Variants in CYP4F3 observed in about 807,000 individuals in gnomAD.
CYP4F3 encodes cytochrome P450 family 4 subfamily F member 3, also known as cytochrome P450 4F3.
In CYP4F3, 50 loss-of-function variants were observed where a neutral mutation model predicts 54.8. The observed-to-expected ratio is 0.91, with a 90% confidence interval of 0.73 to 1.16. CYP4F3 has a LOEUF of 1.16. Ranked by LOEUF, CYP4F3 falls within the 50% of genes most tolerant of loss-of-function variation. The probability of loss-of-function intolerance (pLI) is 0.00; values close to 1 mark genes in which losing one functional copy is unlikely to be tolerated. For synonymous variants in CYP4F3, 244 were observed against 262.6 expected (o/e 0.93, Z 0.69); for missense variants, 715 against 676.2 (o/e 1.06, Z -0.64).
intron 7 of CYP4F3, among the ~76,000 whole-genome samples, chr19:15,651,415 T>G (rs1410438940): frequency 7.3e-6 from 1 of 136,720 alleles, no homozygotes; most frequent in Non-Finnish European, 1.6e-5. Flanking sequence ...TCACCCAGGC[T>G]GGAGTGCAGT....
chr19:15,655,302 T>C (rs1172954909), intron 9 of CYP4F3, among the ~76,000 whole-genome samples: 1 of 152,242 alleles, frequency 6.6e-6, no homozygotes, highest in Non-Finnish European at 1.5e-5. Flanking sequence ...AGTTTGTGAG[T>C]ATTTTCTGCC....
At chr19:15,657,033 A>G (rs907128552) in intron 9 of CYP4F3, among the ~76,000 whole-genome samples, 2 of 152,192 alleles carry the variant, frequency 1.3e-5, no homozygotes, top group African/African-American at 4.8e-5. Flanking sequence ...GAGTGTCTGT[A>G]CTGATTTACC....
rs945232586 is a variant in CYP4F3 at position 15,641,443 on chromosome 19, G to A, written c.28G>A (p.Gly10Ser). The change falls in exon 2 of 13, where the codon GGC becomes AGC. Residue 10 changes from glycine to serine, a missense_variant. Gly to Ser is a moderately conservative substitution (Grantham distance 56). Transcript: ENST00000221307. MPQLSLSSL[G>S]LWPMAASPWL... Reference sequence around the variant, plus strand: ...GCCACAGCTGAGCCTGTCCTCGCTGGGCCTTTGGCCAATGGCAGCATCCCC... The same window carrying A: ...GCCACAGCTGAGCCTGTCCTCGCTGAGCCTTTGGCCAATGGCAGCATCCCC... The A allele has an allele frequency of 3.7e-6, 6 of 1,614,170 alleles. No individual in the cohort carries two copies. The highest frequency in any genetic ancestry group is 5.1e-6 in the Non-Finnish European group (6 of 1,180,042).
At position 15,646,998 on chromosome 19, in the gene CYP4F3, A is replaced by G. The variant is rs1418093638; in HGVS notation, c.344-54A>G. On this transcript the variant is annotated intron_variant, in intron 3 of 12. Coordinates refer to ENST00000221307, the MANE Select transcript of CYP4F3 (RefSeq NM_000896.3). ...TTGCTGGGAGCCTCCCCCCACCCCCAAAGTTCCTCCTTCACCTGCCTCCAT... is the reference window on the plus strand; with the variant it reads ...TTGCTGGGAGCCTCCCCCCACCCCCGAAGTTCCTCCTTCACCTGCCTCCAT... 4.4e-6 allele frequency: 7 copies of G among 1,606,284 alleles called. No individual in the cohort carries two copies. In the South Asian group the frequency reaches 4.4e-5, roughly 10 times the overall value.
chr19:15,649,943 G>T lies in CYP4F3; in HGVS notation c.678G>T (p.Leu226Phe). The T allele has an allele frequency of 6.2e-7, 1 of 1,614,074 alleles. No individual in the cohort carries two copies. Among genetic ancestry groups the T allele is most frequent in the South Asian group, 1.1e-5 (1 of 91,074 alleles). Residue 226 changes from leucine to phenylalanine, a missense_variant, in exon 7 of 13, where the codon TTG (leucine) becomes TTT (phenylalanine). Physicochemically the swap from Leu to Phe is conservative, Grantham distance 22. Transcript: ENST00000221307. ...EKPSEYIAAI[L>F]ELSALVTKRH... Reference sequence around the variant, plus strand: ...CCAGTGAATATATTGCCGCCATCTTGGAGCTCAGTGCCCTTGTGACAAAAA... The same window carrying T: ...CCAGTGAATATATTGCCGCCATCTTTGAGCTCAGTGCCCTTGTGACAAAAA...
At chr19:15,645,488 A>G (rs1972595665) in intron 2 of CYP4F3, among the ~76,000 whole-genome samples, 2 of 152,164 alleles carry the variant, frequency 1.3e-5, no homozygotes, top group Non-Finnish European at 2.9e-5. Flanking sequence ...AGCCCAGGGA[A>G]CATGGTGTGT....
At chr19:15,656,130 C>T (rs2144670533) in intron 9 of CYP4F3, among the ~76,000 whole-genome samples, 1 of 151,852 alleles carries the variant, frequency 6.6e-6, no homozygotes, top group East Asian at 1.9e-4. Context: ...TCTATGAGCT[C>T]AACTATTTTA....
chr19:15,641,164 T>G, intron 1 of CYP4F3: 2 of 498,294 alleles, frequency 4.0e-6, no homozygotes, highest in East Asian at 3.6e-5. Flanking sequence ...GGCTGGGCCT[T>G]TCTGGACTTT....
chr19:15,652,577 T>C lies in CYP4F3; in HGVS notation c.927T>C (p.Asp309=), dbSNP rs1972888477. 6.2e-7 allele frequency: 1 copy of C among 1,613,886 alleles called. No individual in the cohort carries two copies. Among genetic ancestry groups the C allele is most frequent in the African/African-American group, 1.3e-5 (1 of 74,958 alleles). The change falls in exon 8 of 13, where the codon GAT becomes GAC. Residue 309 remains aspartate, a synonymous_variant. Transcript: ENST00000221307. ...TATTGCCTTCTCTCCAGGATGAAGA[T>C]GGGAAGAAGTTGTCCGATGAGGACA... ...IDVLLLSKDE[D]GKKLSDEDIR...
At chr19:15,649,308 C>T (rs754784279) in intron 6 of CYP4F3, 27 bp downstream of exon 6, 5 of 1,611,880 alleles carry the variant, frequency 3.1e-6, no homozygotes. Context: ...GGTCTGGGAT[C>T]CTGGGCCGTG....
At chr19:15,643,976 G>C in intron 2 of CYP4F3, 1 of 1,607,130 alleles carries the variant, frequency 6.2e-7, no homozygotes, top group East Asian at 2.3e-5. Context: ...GGGCTTTAAG[G>C]TCTGGATGGG....
chr19:15,658,489 A>G lies in CYP4F3; in HGVS notation c.1250-2A>G. The G allele has an allele frequency of 5.0e-6, 8 of 1,614,164 alleles. No individual in the cohort carries two copies. The highest frequency in any genetic ancestry group is 5.1e-6 in the Non-Finnish European group (6 of 1,180,032). On this transcript the variant is annotated splice_acceptor_variant, in intron 10 of 12. Coordinates refer to ENST00000221307, the MANE Select transcript of CYP4F3 (RefSeq NM_000896.3). LOFTEE classifies it high-confidence loss of function. ...TCCTGACTGCCCCCTTCTCTCCCAC[A>G]GGCATTATCTGCCTCATCAGTGTTT...
chr19:15,657,229 C>T (rs1024388384), intron 9 of CYP4F3, among the ~76,000 whole-genome samples: 5 of 152,260 alleles, frequency 3.3e-5, no homozygotes, highest in African/African-American at 7.2e-5. Flanking sequence ...CCATTCCTTA[C>T]ATGCATAGGC....
Position 15,645,879 on chromosome 19 carries a change from G to A in CYP4F3, c.343+16G>A, listed in dbSNP as rs779215155. Reference sequence around the variant, plus strand: ...TTTGCTCCAGGTAGACACTGCACTGGCCACTCCAGGTAGACACTGCACTGG... The same window carrying A: ...TTTGCTCCAGGTAGACACTGCACTGACCACTCCAGGTAGACACTGCACTGG... On this transcript the variant is annotated intron_variant, in intron 3 of 12. Transcript: ENST00000221307. 6.3e-7 allele frequency: 1 copy of A among 1,592,558 alleles called. No individual in the cohort carries two copies. The highest frequency in any genetic ancestry group is 1.1e-5 in the South Asian group (1 of 87,448).
chr19:15,654,818 A>G (rs577692534), intron 9 of CYP4F3, among the ~76,000 whole-genome samples: 1 of 152,364 alleles, frequency 6.6e-6, no homozygotes, highest in South Asian at 2.1e-4. Context: ...CAATAAATAC[A>G]GAAGTACAGA....
chr19:15,650,089 G>T lies in CYP4F3; in HGVS notation c.824G>T (p.Arg275Leu). The change falls in exon 7 of 13, where the codon CGC becomes CTC. Residue 275 changes from arginine (R) to leucine (L), a missense_variant. Coordinates refer to ENST00000221307, the MANE Select transcript of CYP4F3 (RefSeq NM_000896.3). The part of the protein sequence containing the change: ...DFTDAVIQER[R>L]RTLPSQGVDD... ...ACAGATGCCGTCATCCAGGAGCGGC[G>T]CCGCACCCTCCCTAGCCAGGGTGTT... The T allele has an allele frequency of 1.9e-6, 3 of 1,614,168 alleles. No homozygotes were observed. Among genetic ancestry groups the T allele is most frequent in the Non-Finnish European group, 2.5e-6 (3 of 1,180,030 alleles).
chr19:15,650,728 CTT>C (rs1972796006), intron 7 of CYP4F3, among the ~76,000 whole-genome samples: 1 of 103,560 alleles, frequency 9.7e-6, no homozygotes, highest in African/African-American at 4.5e-5. Context: ...TTCTTTCTTT[CTT>C]TCTTTCTTTT....
intron 9 of CYP4F3, among the ~76,000 whole-genome samples, chr19:15,657,461 AT>A (rs1189932108): frequency 6.6e-6 from 1 of 151,570 alleles, no homozygotes; most frequent in Non-Finnish European, 1.5e-5. Flanking sequence ...TGCCTGGGTA[AT>A]TTTTTTTGTA....
Position 15,652,876 on chromosome 19 carries a change from C to T in CYP4F3, c.1039C>T (p.His347Tyr). ...CTGGGTCCTGTACCACCTTGCAAAG[C>T]ACCCGGAATACCAGGAGCGCTGTCG... ...LSWVLYHLAK[H>Y]PEYQERCRQE... The change falls in exon 9 of 13, where the codon CAC becomes TAC. Residue 347 changes from histidine (H) to tyrosine (Y), a missense_variant. Transcript: ENST00000221307. The T allele has an allele frequency of 6.2e-7, 1 of 1,613,922 alleles. No homozygotes were observed. Among genetic ancestry groups the T allele is most frequent in the Non-Finnish European group, 8.5e-7 (1 of 1,179,874 alleles).
Sources: gnomAD v4.1 joint callset for allele counts (sites outside exome capture counted in the v4.1 genomes callset) on GRCh38, gnomAD v4.1.1 for gene constraint, MANE v1.5 for transcripts, NCBI Gene and HGNC (gene_info 2026-07-23, HGNC 2026-07-21) for gene names.